BRWD1: variants seen among roughly 807,000 people sequenced by gnomAD.
BRWD1 encodes bromodomain and WD repeat-containing protein 1.
A neutral mutation model predicts 251.2 loss-of-function variants in BRWD1; 82 were observed. That is an observed-to-expected ratio of 0.33 (90% CI 0.27 to 0.39). The LOEUF is 0.39. Among genes scored for constraint, BRWD1 ranks in the 10% least tolerant of loss-of-function variants. The pLI is 1.00. For synonymous variants in BRWD1, 918 were observed against 902.8 expected (o/e 1.02, Z -0.30); for missense variants, 2,233 against 2,711.6 (o/e 0.82, Z 3.92).
At chr21:39,249,915 GGTGTGTGTGTGT>G (rs368656743) in intron 20 of BRWD1, among the ~76,000 whole-genome samples, 13,280 of 68,480 alleles carry the variant, frequency 0.19, 700 homozygotes, top group Non-Finnish European at 0.27. Flanking sequence ...AAAGAAGGGG[GGTGTGTGTGTGT>G]GTGTGTGTGT....
chr21:39,208,085 T>C (rs943725966), intron 36 of BRWD1, among the ~76,000 whole-genome samples: 1 of 152,182 alleles, frequency 6.6e-6, no homozygotes, highest in Non-Finnish European at 1.5e-5. Context: ...TGCCACTGAA[T>C]TGTACTCATA....
intron 5 of BRWD1, 146 bp downstream of exon 5, chr21:39,298,286 T>C (rs1260706213): frequency 2.3e-6 from 3 of 1,322,248 alleles, no homozygotes; most frequent in Non-Finnish European, 9.7e-7. Flanking sequence ...TTCAATGTTC[T>C]ATGCTAAATG....
chr21:39,301,733 T>C (rs2036118663), intron 4 of BRWD1, among the ~76,000 whole-genome samples: 1 of 152,060 alleles, frequency 6.6e-6, no homozygotes, highest in Non-Finnish European at 1.5e-5. Context: ...CAATAGATCA[T>C]GACTACAGGA....
chr21:39,285,871 C>A (rs368557206), intron 8 of BRWD1, among the ~76,000 whole-genome samples: 3,111 of 101,254 alleles, frequency 0.031, no homozygotes, highest in East Asian at 0.061. Context: ...GCCCAGTCAA[C>A]AAAAAAAAAA....
chr21:39,289,120 A>G (rs992031618), intron 8 of BRWD1, among the ~76,000 whole-genome samples: 4 of 152,154 alleles, frequency 2.6e-5, no homozygotes, highest in Non-Finnish European at 4.4e-5. Context: ...TTACATTGAC[A>G]TTTACTATCC....
intron 17 of BRWD1, among the ~76,000 whole-genome samples, chr21:39,262,344 G>T (rs1002114340): frequency 6.6e-6 from 1 of 152,088 alleles, no homozygotes; most frequent in Non-Finnish European, 1.5e-5. Flanking sequence ...GAATAAACAG[G>T]AACAAACTAC....
intron 38 of BRWD1, among the ~76,000 whole-genome samples, chr21:39,200,795 G>A (rs1365698989): frequency 6.6e-6 from 1 of 152,104 alleles, no homozygotes; most frequent in Non-Finnish European, 1.5e-5. Flanking sequence ...AAACTAGCCT[G>A]GCCAAATAGT....
intron 4 of BRWD1, among the ~76,000 whole-genome samples, chr21:39,301,441 A>T (rs1487563934): frequency 1.3e-5 from 2 of 151,870 alleles, no homozygotes; most frequent in African/African-American, 4.8e-5. Flanking sequence ...AAGGGCGAGG[A>T]ACTGAGAGTG....
chr21:39,257,780 G>GA (rs760559724), intron 18 of BRWD1, among the ~76,000 whole-genome samples: 8 of 150,836 alleles, frequency 5.3e-5, no homozygotes, highest in East Asian at 1.9e-4. Context: ...AAATGCTTCT[G>GA]AAAAAAAACA....
Position 39,199,135 on chromosome 21 carries a change from T to C in BRWD1, c.5281A>G (p.Lys1761Glu), listed in dbSNP as rs765419042. The change falls in exon 40 of 41, where the codon AAA becomes GAA. Residue 1761 changes from lysine (K) to glutamate (E), a missense_variant. By Grantham distance (56) the Lys-to-Glu change is moderately conservative. Coordinates refer to ENST00000342449, the MANE Select transcript of BRWD1 (RefSeq NM_033656.4). ...LKIESSEEDS[K>E]SHDSDHACNR... The stretch of plus-strand genomic sequence containing the variant: ...CATGCATGATCTGAATCATGACTTT[T>C]AGAGTCTTCCTCAGAAGACTCTATT... The C allele has an allele frequency of 4.3e-5, 70 of 1,613,942 alleles. No homozygotes were observed. Among genetic ancestry groups the C allele is most frequent in the Middle Eastern group, 1.6e-4 (1 of 6,084 alleles).
In BRWD1 at chr21:39,309,591, G is replaced by A. The variant is rs548209482; in HGVS notation, c.198+3250C>T. On this transcript the variant is annotated intron_variant, in intron 4 of 40. Coordinates refer to ENST00000342449, the MANE Select transcript of BRWD1 (RefSeq NM_033656.4). ...TGTAATCCCAGCACTTTGGGAGGCA[G>A]AGGCAGGCGGATCATGAGGTCAGGA... Among the ~76,000 whole-genome samples the A allele has an allele frequency of 3.3e-5, 5 of 152,068 alleles. No individual in the cohort carries two copies. The East Asian group carries it at 9.7e-4, about 30-fold the overall frequency.
upstream of BRWD1, among the ~76,000 whole-genome samples, chr21:39,316,052 T>C (rs576690376): frequency 1.3e-5 from 2 of 152,282 alleles, no homozygotes; most frequent in African/African-American, 4.8e-5. Flanking sequence ...ATGTCAGAAG[T>C]TGAAATTGGG....
intron 34 of BRWD1, among the ~76,000 whole-genome samples, 181 bp from the exon 35 acceptor site, chr21:39,211,110 C>T (rs1266299584): frequency 6.6e-6 from 1 of 152,270 alleles, no homozygotes; most frequent in East Asian, 1.9e-4. Context: ...TTTCATATAA[C>T]TTAACCAATT....
chr21:39,299,516 A>G (rs754519122), intron 4 of BRWD1, among the ~76,000 whole-genome samples: 6 of 152,188 alleles, frequency 3.9e-5, no homozygotes, highest in Non-Finnish European at 8.8e-5. Context: ...ATGAAAAATA[A>G]TCATTTATTT....
chr21:39,201,878 C>A (rs2032126633), intron 38 of BRWD1, among the ~76,000 whole-genome samples: 1 of 152,302 alleles, frequency 6.6e-6, no homozygotes, highest in Admixed American at 6.5e-5. Context: ...CAAAACCACT[C>A]AGAGCAGTAC....
rs139902450 is a variant in BRWD1 at position 39,197,071 on chromosome 21, C to T, written c.5998G>A (p.Asp2000Asn). The T allele has an allele frequency of 6.2e-7, 1 of 1,614,044 alleles. No homozygotes were observed. Among genetic ancestry groups the T allele is most frequent in the Non-Finnish European group, 8.5e-7 (1 of 1,179,982 alleles). ...TTTGTACTACCTTCGGAGTCAGGAT[C>T]AGGTGGCTTGCCTTCACAGGCATAC... is the stretch of plus-strand genomic sequence containing the variant. ...EQYACEGKPPDPDSEGSTKVL... is the reference protein window; with the variant it reads ...EQYACEGKPPNPDSEGSTKVL... The change falls in exon 41 of 41, where the codon GAT (aspartate) becomes AAT (asparagine). Residue 2000 changes from aspartate to asparagine, a missense_variant. By Grantham distance (23) the Asp-to-Asn change is conservative. Around this residue, in one of 12 missense-constraint regions of BRWD1, gnomAD observed 928 missense variants for 970.0 expected, o/e 0.96. Coordinates refer to ENST00000342449, the MANE Select transcript of BRWD1 (RefSeq NM_033656.4).
At chr21:39,308,990 A>G (rs2036378399) in intron 4 of BRWD1, among the ~76,000 whole-genome samples, 1 of 152,152 alleles carries the variant, frequency 6.6e-6, no homozygotes, top group Admixed American at 6.5e-5. Flanking sequence ...CCTGGCCCAC[A>G]TGGTGAACAG....
intron 38 of BRWD1, among the ~76,000 whole-genome samples, chr21:39,201,521 A>G (rs1244604196): frequency 6.6e-6 from 1 of 152,150 alleles, no homozygotes; most frequent in Non-Finnish European, 1.5e-5. Context: ...CGGTCTTTTC[A>G]TTTGCACAAA....
chr21:39,298,767 T>C (rs749256862), intron 4 of BRWD1, among the ~76,000 whole-genome samples, 185 bp from the exon 5 acceptor site: 12 of 152,218 alleles, frequency 7.9e-5, no homozygotes, highest in Non-Finnish European at 1.6e-4. Context: ...GATTCAAACC[T>C]GTAACACTCA....
Sources: gnomAD v4.1 joint callset for allele counts (sites outside exome capture counted in the v4.1 genomes callset) on GRCh38, gnomAD v4.1.1 for gene constraint, gnomAD v4.1.1 regional missense constraint, MANE v1.5 for transcripts, NCBI Gene and HGNC (gene_info 2026-07-23, HGNC 2026-07-21) for gene names.